The following PPP4R3A variants were observed in gnomAD, a reference collection of about 807,000 sequenced individuals.
PPP4R3A encodes the protein serine/threonine-protein phosphatase 4 regulatory subunit 3A.
PPP4R3A carries 15 observed loss-of-function variants against 91.7 expected under a neutral mutation model. That is an observed-to-expected ratio of 0.16 (90% CI 0.11 to 0.25). The LOEUF (loss-of-function observed/expected upper bound fraction) is 0.25. PPP4R3A is among the 10% of genes least tolerant of loss of function. The probability of loss-of-function intolerance (pLI) is 1.00; values close to 1 mark genes in which losing one functional copy is unlikely to be tolerated. For synonymous variants in PPP4R3A, 377 were observed against 348.7 expected (o/e 1.08, Z -0.91); for missense variants, 623 against 998.4 (o/e 0.62, Z 5.07).
At chr14:91,468,701 A>G (rs1277832861) in intron 10 of PPP4R3A, among the ~76,000 whole-genome samples, 16 of 146,016 alleles carry the variant, frequency 1.1e-4, no homozygotes, top group African/African-American at 4.1e-4. Context: ...GAAAAAAGAA[A>G]AAAAAGACCA....
At chr14:91,473,841 G>C (rs189244702) in intron 7 of PPP4R3A, among the ~76,000 whole-genome samples, 1 of 113,552 alleles carries the variant, frequency 8.8e-6, no homozygotes, top group East Asian at 2.6e-4. Flanking sequence ...GCACGATCTC[G>C]TCTTACTAAC....
chr14:91,475,802 A>G lies in PPP4R3A; in HGVS notation c.1266+9T>C. 1 of 1,609,274 alleles carries G rather than the reference A, an allele frequency of 6.2e-7. No individual in the cohort carries two copies. The highest frequency in any genetic ancestry group is 8.5e-7 in the Non-Finnish European group (1 of 1,176,716). ...ATAAATACTTACTATTAGTACAAAT[A>G]ATATTTACCTTGCTGGTTATTTTTT... On this transcript the variant is annotated intron_variant, in intron 7 of 14. Coordinates refer to ENST00000554943, the MANE Select transcript of PPP4R3A (RefSeq NM_001366432.2).
At chr14:91,498,196 G>A (rs1453247146) in intron 1 of PPP4R3A, among the ~76,000 whole-genome samples, 1 of 152,044 alleles carries the variant, frequency 6.6e-6, no homozygotes, top group Non-Finnish European at 1.5e-5. Context: ...TTAGCTGGGT[G>A]TGGTGGTGCA....
At chr14:91,462,345 C>A in intron 12 of PPP4R3A, 106 bp from the exon 13 acceptor site, 3 of 1,117,524 alleles carry the variant, frequency 2.7e-6, no homozygotes, top group South Asian at 5.1e-5. Flanking sequence ...ATGAAATTTA[C>A]AAATATTAAA....
chr14:91,476,365 G>T, intron 6 of PPP4R3A, 43 bp downstream of exon 6: 2 of 1,293,176 alleles, frequency 1.5e-6, no homozygotes, highest in African/African-American at 1.5e-5. Flanking sequence ...TTAATTTTGG[G>T]ATTAAAAAAT....
At chr14:91,490,939 C>CT (rs1445665179) in intron 1 of PPP4R3A, 137 bp from the exon 2 acceptor site, 2 of 346,282 alleles carry the variant, frequency 5.8e-6, no homozygotes, top group Admixed American at 1.0e-4. Flanking sequence ...GGGCTTCTCT[C>CT]TGTCGCCCAG....
At position 91,509,740 on chromosome 14, in the gene PPP4R3A, C is replaced by T. The variant is rs1465986400; in HGVS notation, c.-93G>A. 1 of 1,382,876 alleles carries T rather than the reference C, an allele frequency of 7.2e-7. No individual in the cohort carries two copies. The highest frequency in any genetic ancestry group is 1.5e-5 in the African/African-American group (1 of 65,414). The allele number at this position is 1,382,876 out of a possible 1,614,324, so 85.7% of individuals were successfully genotyped here. The stretch of plus-strand genomic sequence containing the variant: ...GAGGGGCGAGGCGTGAGGGCGCCCG[C>T]GAGCGGAGGGCTCCCCGGCCTCACT... On this transcript the variant is annotated 5_prime_UTR_variant, in exon 1 of 15. Coordinates refer to ENST00000554943, the MANE Select transcript of PPP4R3A (RefSeq NM_001366432.2).
At chr14:91,466,593 T>C (rs1888479512) in intron 10 of PPP4R3A, among the ~76,000 whole-genome samples, 2 of 152,198 alleles carry the variant, frequency 1.3e-5, no homozygotes, top group Non-Finnish European at 2.9e-5. Flanking sequence ...CTAAATAGTT[T>C]ATAGAATAAT....
chr14:91,477,875 G>A (rs890402718), intron 4 of PPP4R3A, among the ~76,000 whole-genome samples: 1 of 152,158 alleles, frequency 6.6e-6, no homozygotes, highest in Non-Finnish European at 1.5e-5. Flanking sequence ...TCTTGAACTC[G>A]TGGCCTCAAG....
intron 7 of PPP4R3A, chr14:91,475,597 G>A (rs983538742): frequency 4.7e-6 from 2 of 425,608 alleles, no homozygotes. Context: ...AAACTGACAT[G>A]AATATTTTAA....
chr14:91,475,809 A>G lies in PPP4R3A; in HGVS notation c.1266+2T>C, dbSNP rs1889169178. ...CTTACTATTAGTACAAATAATATTT[A>G]CCTTGCTGGTTATTTTTTGCTCTGT... On this transcript the variant is annotated splice_donor_variant, in intron 7 of 14. Transcript: ENST00000554943. LOFTEE classifies it high-confidence loss of function. The G allele has an allele frequency of 6.2e-7, 1 of 1,611,858 alleles. No individual in the cohort carries two copies. The highest frequency in any genetic ancestry group is 2.2e-5 in the East Asian group (1 of 44,790).
intron 14 of PPP4R3A, among the ~76,000 whole-genome samples, chr14:91,460,272 C>T (rs535123038): frequency 5.9e-5 from 9 of 152,246 alleles, no homozygotes; most frequent in African/African-American, 1.9e-4. Context: ...CTGGACCTCC[C>T]AAAGCACTGG....
At chr14:91,498,205 C>T (rs892030760) in intron 1 of PPP4R3A, among the ~76,000 whole-genome samples, 4 of 151,908 alleles carry the variant, frequency 2.6e-5, no homozygotes, top group Admixed American at 6.6e-5. Context: ...TGTGGTGGTG[C>T]ATGCCTGTAA....
intron 5 of PPP4R3A, 123 bp downstream of exon 5, chr14:91,476,786 C>T: frequency 1.2e-6 from 1 of 820,472 alleles, no homozygotes; most frequent in Non-Finnish European, 1.9e-6. Flanking sequence ...AGGCTGGTCT[C>T]AAACTTCTGA....
intron 1 of PPP4R3A, among the ~76,000 whole-genome samples, chr14:91,506,578 G>T (rs914808485): frequency 9.2e-5 from 14 of 152,130 alleles, no homozygotes; most frequent in African/African-American, 3.1e-4. Flanking sequence ...GTTTGTGTGT[G>T]ACAGGGTCTC....
At chr14:91,501,065 C>G (rs1252213087) in intron 1 of PPP4R3A, among the ~76,000 whole-genome samples, 1 of 152,056 alleles carries the variant, frequency 6.6e-6, no homozygotes, top group East Asian at 1.9e-4. Flanking sequence ...CAAAAAACAC[C>G]TTCTGGTACA....
intron 1 of PPP4R3A, among the ~76,000 whole-genome samples, chr14:91,496,880 T>C (rs1257306318): frequency 1.3e-5 from 2 of 152,166 alleles, no homozygotes; most frequent in African/African-American, 2.4e-5. Context: ...CATCACCTAA[T>C]AGGTTTTATT....
intron 1 of PPP4R3A, among the ~76,000 whole-genome samples, chr14:91,503,932 T>A (rs966479947): frequency 1.2e-4 from 19 of 152,170 alleles, no homozygotes; most frequent in Non-Finnish European, 1.9e-4. Context: ...AATAAGGTAA[T>A]CTATCTTCCT....
At chr14:91,464,322 AC>A (rs1195313108) in intron 11 of PPP4R3A, among the ~76,000 whole-genome samples, 1 of 102,556 alleles carries the variant, frequency 9.8e-6, no homozygotes, top group Non-Finnish European at 2.0e-5. Context: ...CTCTGTCCCC[AC>A]CCCCCTCCCT....
Sources: allele counts gnomAD v4.1 joint callset (sites outside exome capture counted in the v4.1 genomes callset), GRCh38; gene constraint gnomAD v4.1.1; transcripts MANE v1.5; gene names NCBI Gene and HGNC (gene_info 2026-07-23, HGNC 2026-07-21).